The following TBC1D19 variants were observed in gnomAD, a reference collection of about 807,000 sequenced individuals.
TBC1D19 encodes the protein TBC1 domain family member 19.
TBC1D19 carries 60 observed loss-of-function variants against 89.0 expected under a neutral mutation model. The observed-to-expected ratio is 0.67, with a 90% confidence interval of 0.55 to 0.84. The LOEUF (loss-of-function observed/expected upper bound fraction) is 0.84. Among genes scored for constraint, TBC1D19 ranks in the 40% least tolerant of loss-of-function variants. The probability of loss-of-function intolerance (pLI) is 0.00; values close to 1 mark genes in which losing one functional copy is unlikely to be tolerated. For synonymous variants in TBC1D19, 189 were observed against 199.7 expected (o/e 0.95, Z 0.45); for missense variants, 500 against 610.8 (o/e 0.82, Z 1.91).
intron 13 of TBC1D19, among the ~76,000 whole-genome samples, chr4:26,693,399 AAAAGT>A (rs1357287141): frequency 6.6e-6 from 1 of 152,232 alleles, no homozygotes; most frequent in Non-Finnish European, 1.5e-5. Flanking sequence ...CCATGCTTAA[AAAAGT>A]AAAGTAAGGC....
rs1711985482 is a variant in TBC1D19 at position 26,668,243 on chromosome 4, A to G, written c.664+1838A>G. On this transcript the variant is annotated intron_variant, in intron 9 of 20. Transcript: ENST00000264866. ...TATAAGAAAAGGAAAGGAAGTAGTAACACAGCCTTGAGTTATATTTTTATT... is the reference window on the plus strand; with the variant it reads ...TATAAGAAAAGGAAAGGAAGTAGTAGCACAGCCTTGAGTTATATTTTTATT... Among the ~76,000 whole-genome samples the G allele has an allele frequency of 2.0e-5, 3 of 152,018 alleles. No individual in the cohort carries two copies. In the South Asian group the frequency reaches 6.2e-4, roughly 31 times the overall value.
intron 9 of TBC1D19, among the ~76,000 whole-genome samples, chr4:26,670,902 C>A (rs1712242432): frequency 6.6e-6 from 1 of 150,610 alleles, no homozygotes; most frequent in African/African-American, 2.4e-5. Flanking sequence ...ATCATTCATT[C>A]TCATTGCTGT....
chr4:26,675,900 A>G (rs1163282949), intron 11 of TBC1D19, among the ~76,000 whole-genome samples: 2 of 152,190 alleles, frequency 1.3e-5, no homozygotes, highest in South Asian at 2.1e-4. Context: ...AATATTATCT[A>G]ACTTTCATTT....
chr4:26,577,206 G>C lies in TBC1D19; in HGVS notation c.6+409G>C, dbSNP rs540813131. On this transcript the variant is annotated intron_variant, in intron 1 of 12. Coordinates refer to the TBC1D19 transcript ENST00000512840. ...TTTTTAACTGAACATTCAGCTTGCT[G>C]CTCTGCTTTATAGACTTTGGACTTG... 3.3e-5 allele frequency among the ~76,000 whole-genome samples: 5 copies of C among 152,154 alleles called. No individual in the cohort carries two copies. In the South Asian group the frequency reaches 1.0e-3, roughly 32 times the overall value.
the TBC1D19 span, among the ~76,000 whole-genome samples, chr4:26,805,283 G>C: frequency 6.6e-6 from 1 of 152,232 alleles, no homozygotes; most frequent in Non-Finnish European, 1.5e-5. Flanking sequence ...TTAAGCTTCA[G>C]TCTGGGATGA....
rs1257500165 is a variant in TBC1D19 at position 26,643,602 on chromosome 4, C to T, written c.480+3415C>T. Among the ~76,000 whole-genome samples, 5 of 152,162 alleles carry T rather than the reference C, an allele frequency of 3.3e-5. No individual in the cohort carries two copies. In the East Asian group the frequency reaches 7.7e-4, roughly 24 times the overall value. ...AGAGCAGAACTGAAGGAGATAGAAA[C>T]ACAAAAAACCCTTCAAAAAATCAGT... On this transcript the variant is annotated intron_variant, in intron 7 of 20. Coordinates refer to ENST00000264866, the MANE Select transcript of TBC1D19 (RefSeq NM_018317.4).
intron 7 of TBC1D19, among the ~76,000 whole-genome samples, chr4:26,655,516 C>G (rs545644632): frequency 1.3e-5 from 2 of 152,320 alleles, no homozygotes; most frequent in South Asian, 2.1e-4. Context: ...GTGGTGGGCT[C>G]CACCCAGTTC....
chr4:26,829,937 A>G, the TBC1D19 span, among the ~76,000 whole-genome samples: 1 of 152,144 alleles, frequency 6.6e-6, no homozygotes, highest in Non-Finnish European at 1.5e-5. Context: ...GTGGGGAGGC[A>G]TCTTACCTTC....
At chr4:26,639,680 C>G (rs559644864) in intron 6 of TBC1D19, among the ~76,000 whole-genome samples, 1 of 152,234 alleles carries the variant, frequency 6.6e-6, no homozygotes, top group African/African-American at 2.4e-5. Flanking sequence ...TCCTCCTCCC[C>G]TTCCTTTACC....
At chr4:26,662,244 A>C (rs1745265862) in intron 8 of TBC1D19, among the ~76,000 whole-genome samples, 1 of 152,216 alleles carries the variant, frequency 6.6e-6, no homozygotes, top group Non-Finnish European at 1.5e-5. Context: ...TATTCTCAGA[A>C]CGATAAGATA....
At chr4:26,642,236 A>G (rs1229689225) in intron 7 of TBC1D19, among the ~76,000 whole-genome samples, 4 of 152,252 alleles carry the variant, frequency 2.6e-5, no homozygotes, top group African/African-American at 9.6e-5. Context: ...ATCTCTCAGC[A>G]AAAACCCTAC....
chr4:26,760,554 A>G (rs192463751), downstream of TBC1D19, among the ~76,000 whole-genome samples: 2 of 152,210 alleles, frequency 1.3e-5, no homozygotes, highest in East Asian at 3.9e-4. Flanking sequence ...TCCAGCCTGG[A>G]TGACAGAGGG....
At chr4:26,830,300 G>T in the TBC1D19 span, among the ~76,000 whole-genome samples, 1 of 152,192 alleles carries the variant, frequency 6.6e-6, no homozygotes, top group African/African-American at 2.4e-5. Context: ...CTACTGGGTG[G>T]TTCCCAGCTC....
chr4:26,807,633 CCATCTG>C, the TBC1D19 span, among the ~76,000 whole-genome samples: 1 of 152,240 alleles, frequency 6.6e-6, no homozygotes, highest in Non-Finnish European at 1.5e-5. Context: ...TTCATCTCTC[CCATCTG>C]CATGTGGCAT....
intron 13 of TBC1D19, among the ~76,000 whole-genome samples, chr4:26,704,520 T>C (rs1259003896): frequency 1.3e-5 from 2 of 152,152 alleles, no homozygotes; most frequent in Non-Finnish European, 2.9e-5. Context: ...TGAATGGAGT[T>C]AAAAAGGTCC....
downstream of TBC1D19, among the ~76,000 whole-genome samples, chr4:26,758,811 G>A (rs756917126): frequency 5.3e-5 from 8 of 152,046 alleles, no homozygotes; most frequent in Non-Finnish European, 1.0e-4. Context: ...TTCCTTTTAG[G>A]TGATGCACAA....
chr4:26,855,540 ATGGGTGTACT>A, the TBC1D19 span, among the ~76,000 whole-genome samples: 11 of 152,276 alleles, frequency 7.2e-5, no homozygotes, highest in East Asian at 1.9e-4. Context: ...TTCGTTTCAG[ATGGGTGTACT>A]TGGGTGTACT....
chr4:26,774,470 A>C, the TBC1D19 span, among the ~76,000 whole-genome samples: 2 of 152,258 alleles, frequency 1.3e-5, no homozygotes, highest in East Asian at 3.9e-4. Flanking sequence ...TTCACTTAGC[A>C]ATGTTGTCAT....
chr4:26,765,766 A>G, the TBC1D19 span, among the ~76,000 whole-genome samples: 1 of 152,062 alleles, frequency 6.6e-6, no homozygotes, highest in Non-Finnish European at 1.5e-5. Flanking sequence ...TCACTACACT[A>G]GTTTGGTGAC....
Sources: gnomAD v4.1 joint callset for allele counts (sites outside exome capture counted in the v4.1 genomes callset) on GRCh38, gnomAD v4.1.1 for gene constraint, MANE v1.5 for transcripts, NCBI Gene and HGNC (gene_info 2026-07-23, HGNC 2026-07-21) for gene names.